Variants in XRCC5 observed in about 807,000 individuals in gnomAD.
XRCC5 encodes the protein DNA repair protein Ku80.
A neutral mutation model predicts 95.7 loss-of-function variants in XRCC5; 12 were observed. That is an observed-to-expected ratio of 0.13 (90% CI 0.08 to 0.20). The LOEUF (loss-of-function observed/expected upper bound fraction) is 0.20, where lower values mean the gene tolerates loss of function less well. XRCC5 is among the 10% of genes least tolerant of loss of function. The pLI, the probability that XRCC5 is intolerant of heterozygous loss-of-function variation, is 1.00. For missense variants in XRCC5, 595 were observed against 873.9 expected (o/e 0.68, Z 4.02); for synonymous variants, 281 against 290.3 (o/e 0.97, Z 0.33).
intron 13 of XRCC5, among the ~76,000 whole-genome samples, chr2:216,145,716 A>G (rs1036386816): frequency 6.6e-6 from 1 of 152,200 alleles, no homozygotes; most frequent in Non-Finnish European, 1.5e-5. Context: ...TAGATCCTTT[A>G]TTATTGACTT....
chr2:216,166,465 T>G (rs973174159), intron 16 of XRCC5, among the ~76,000 whole-genome samples: 11 of 152,146 alleles, frequency 7.2e-5, no homozygotes, highest in Admixed American at 7.2e-4. Context: ...TAATCATCTA[T>G]CAGTTATGAA....
intron 16 of XRCC5, among the ~76,000 whole-genome samples, chr2:216,176,459 T>G (rs1450396120): frequency 1.3e-5 from 2 of 152,232 alleles, no homozygotes; most frequent in Admixed American, 6.5e-5. Flanking sequence ...TTAAAATTTC[T>G]TATTGAATCA....
intron 13 of XRCC5, among the ~76,000 whole-genome samples, chr2:216,141,732 C>T (rs964702137): frequency 6.6e-6 from 1 of 151,874 alleles, no homozygotes; most frequent in Non-Finnish European, 1.5e-5. Flanking sequence ...TGCCACCATG[C>T]CTGGCTCATT....
intron 16 of XRCC5, among the ~76,000 whole-genome samples, chr2:216,186,690 G>A (rs1014835415): frequency 2.3e-4 from 35 of 152,150 alleles, no homozygotes; most frequent in African/African-American, 8.2e-4. Context: ...GTATTATTGA[G>A]TCACTAACTA....
intron 3 of XRCC5, chr2:216,117,046 C>G: frequency 1.7e-6 from 1 of 597,632 alleles, no homozygotes; most frequent in Non-Finnish European, 2.9e-6. Context: ...CCTCCACTCA[C>G]TTCCCTGTTC....
chr2:216,147,956 T>A, intron 13 of XRCC5, 127 bp from the exon 14 acceptor site: 3 of 1,021,848 alleles, frequency 2.9e-6, no homozygotes, highest in Non-Finnish European at 4.4e-6. Flanking sequence ...TCCTCTTGAT[T>A]GTTTTTTACA....
At chr2:216,188,758 G>T (rs1397517212) in intron 16 of XRCC5, among the ~76,000 whole-genome samples, 1 of 152,016 alleles carries the variant, frequency 6.6e-6, no homozygotes, top group East Asian at 1.9e-4. Context: ...TACTAATCAG[G>T]GTTGTATTAT....
At position 216,116,709 on chromosome 2, in the gene XRCC5, T is replaced by C; in HGVS notation, c.186T>C (p.Asp62=). 6.2e-7 allele frequency: 1 copy of C among 1,614,224 alleles called. No homozygotes were observed. The highest frequency in any genetic ancestry group is 1.1e-5 in the South Asian group (1 of 91,086). ...TTGCTTTAGTCCTGTTTGGTACAGA[T>C]GGCACTGACAATCCCCTTTCTGGTG... ...DEIALVLFGT[D]GTDNPLSGGD... is the part of the protein sequence containing the mutation. The change falls in exon 3 of 21, where the codon GAT becomes GAC. Residue 62 remains aspartate (D), a synonymous_variant. Coordinates refer to ENST00000392132, the MANE Select transcript of XRCC5 (RefSeq NM_021141.4).
chr2:216,130,863 CT>C lies in XRCC5; in HGVS notation c.938-7del. 6.3e-7 allele frequency: 1 copy of C among 1,588,006 alleles called. No homozygotes were observed. Among genetic ancestry groups the C allele is most frequent in the Non-Finnish European group, 8.6e-7 (1 of 1,164,082 alleles). On this transcript the variant is annotated splice_polypyrimidine_tract_variant and intron_variant, in intron 8 of 20. Transcript: ENST00000392132. ...CCATATGCTTAACAGATGCTCTTCT[CT>C]TTTTCTCCAGGGTTCCGCTATGGAA...
chr2:216,187,051 G>T (rs1213206567), intron 16 of XRCC5, among the ~76,000 whole-genome samples: 1 of 152,214 alleles, frequency 6.6e-6, no homozygotes, highest in African/African-American at 2.4e-5. Flanking sequence ...GTTCGTTATA[G>T]TCAGTGAACC....
At chr2:216,188,706 T>A (rs1385035267) in intron 16 of XRCC5, among the ~76,000 whole-genome samples, 1 of 152,206 alleles carries the variant, frequency 6.6e-6, no homozygotes, top group Non-Finnish European at 1.5e-5. Flanking sequence ...GGAGATAACT[T>A]CTGTTTGCTT....
At chr2:216,163,487 G>T (rs115207954) in intron 16 of XRCC5, among the ~76,000 whole-genome samples, 1,675 of 151,848 alleles carry the variant, frequency 0.011, 23 homozygotes, top group African/African-American at 0.039. Context: ...ACGGGGTTTC[G>T]TTATGTTGGC....
chr2:216,128,784 T>C (rs1183526806), intron 8 of XRCC5, among the ~76,000 whole-genome samples: 2 of 152,194 alleles, frequency 1.3e-5, no homozygotes, highest in Non-Finnish European at 2.9e-5. Flanking sequence ...CATTTTCTCT[T>C]TTAATCATCA....
At chr2:216,143,977 A>C (rs1025592870) in intron 13 of XRCC5, among the ~76,000 whole-genome samples, 18 of 152,056 alleles carry the variant, frequency 1.2e-4, no homozygotes, top group African/African-American at 4.3e-4. Context: ...GCCTCCCCAA[A>C]GTGCTGGGAT....
chr2:216,181,460 T>G (rs531647137), intron 16 of XRCC5, among the ~76,000 whole-genome samples: 53 of 152,340 alleles, frequency 3.5e-4, no homozygotes, highest in African/African-American at 1.2e-3. Context: ...AGATTCCCTC[T>G]GTGAACCTTG....
intron 16 of XRCC5, among the ~76,000 whole-genome samples, chr2:216,179,887 G>A (rs1689350116): frequency 6.6e-6 from 1 of 152,204 alleles, no homozygotes; most frequent in Admixed American, 6.5e-5. Flanking sequence ...GTAGGCAGAT[G>A]AGTTAGAAGG....
chr2:216,113,189 C>G, intron 2 of XRCC5, 60 bp downstream of exon 2: 1 of 1,416,904 alleles, frequency 7.1e-7, no homozygotes, highest in South Asian at 1.2e-5. Flanking sequence ...TTGCCTCTAC[C>G]TACTAATGCA....
At chr2:216,204,298 T>C (rs750594608) in intron 19 of XRCC5, 24 bp from the exon 20 acceptor site, 2 of 1,613,546 alleles carry the variant, frequency 1.2e-6, no homozygotes, top group East Asian at 2.2e-5. Context: ...CATTTTGGTA[T>C]GATAACTGAC....
intron 15 of XRCC5, 71 bp downstream of exon 15, chr2:216,160,232 T>C (rs1688926442): frequency 1.9e-6 from 2 of 1,041,090 alleles, no homozygotes; most frequent in Middle Eastern, 2.1e-4. Context: ...GTGCATCAAT[T>C]TTTGTTAGTC....
Sources: allele counts gnomAD v4.1 joint callset (sites outside exome capture counted in the v4.1 genomes callset), GRCh38; gene constraint gnomAD v4.1.1; transcripts MANE v1.5; gene names NCBI Gene and HGNC (gene_info 2026-07-23, HGNC 2026-07-21).